MALRD1: variants seen among roughly 807,000 people sequenced by gnomAD.
MALRD1 encodes MAM and LDL-receptor class A domain-containing protein 1.
Under a neutral mutation model 242.1 loss-of-function variants are expected in MALRD1, and 247 were observed. The observed-to-expected ratio is 1.02, with a 90% CI of 0.92 to 1.13. The LOEUF (loss-of-function observed/expected upper bound fraction) is 1.13, where lower values mean the gene tolerates loss of function less well. Among genes scored for constraint, MALRD1 ranks in the 50% most tolerant of loss-of-function variants. The probability of loss-of-function intolerance (pLI) is 0.00; values close to 1 mark genes in which losing one functional copy is unlikely to be tolerated. For synonymous variants in MALRD1, 995 were observed against 866.6 expected (o/e 1.15, Z -2.60); for missense variants, 2,989 against 2,533.1 (o/e 1.18, Z -3.86).
chr10:19,385,298 G>A (rs1448892215), intron 26 of MALRD1, among the ~76,000 whole-genome samples: 1 of 151,922 alleles, frequency 6.6e-6, no homozygotes, highest in African/African-American at 2.4e-5. Flanking sequence ...TCAATTTTTT[G>A]GAAGAGTTTG....
At chr10:19,061,861 T>C (rs1182762527) in intron 1 of MALRD1, among the ~76,000 whole-genome samples, 1 of 152,136 alleles carries the variant, frequency 6.6e-6, no homozygotes, top group African/African-American at 2.4e-5. Flanking sequence ...CTTCATAATA[T>C]TAGATGTGGT....
At chr10:19,435,715 A>C (rs1834326296) in intron 28 of MALRD1, among the ~76,000 whole-genome samples, 1 of 152,112 alleles carries the variant, frequency 6.6e-6, no homozygotes, top group East Asian at 1.9e-4. Flanking sequence ...TAAAGTTGTC[A>C]AGTTCCTTCC....
At chr10:19,193,834 GA>G (rs56944309) in intron 14 of MALRD1, among the ~76,000 whole-genome samples, 37,302 of 134,822 alleles carry the variant, frequency 0.28, 4,885 homozygotes, top group Admixed American at 0.35. Flanking sequence ...TAGTCTGGGG[GA>G]AAAAAAATAT....
intron 26 of MALRD1, among the ~76,000 whole-genome samples, chr10:19,377,020 T>C (rs1254476990): frequency 6.6e-6 from 1 of 152,220 alleles, no homozygotes; most frequent in African/African-American, 2.4e-5. Flanking sequence ...AAATAAACAC[T>C]ATGTGGTACA....
chr10:19,353,516 TTGGTTACAAAGA>T (rs1844489520), intron 26 of MALRD1, among the ~76,000 whole-genome samples: 1 of 152,184 alleles, frequency 6.6e-6, no homozygotes, highest in East Asian at 1.9e-4. Context: ...GTATTTTCAT[TTGGTTACAAAGA>T]AGTTTCTAGA....
Position 19,601,361 on chromosome 10 carries a change from A to G in MALRD1, c.5944+5904A>G, listed in dbSNP as rs997737509. On this transcript the variant is annotated intron_variant, in intron 34 of 39. Coordinates refer to ENST00000454679, the MANE Select transcript of MALRD1 (RefSeq NM_001142308.3). ...TATATTAATAAAGAAGGAAAAATAT[A>G]AAGTAAATGGCTCAGATTATTTTCC... 2.6e-5 allele frequency among the ~76,000 whole-genome samples: 4 copies of G among 152,102 alleles called. 1 individual carries two copies. The highest frequency in any genetic ancestry group is 1.3e-4 in the Admixed American group (2 of 15,256).
chr10:19,435,593 A>G (rs1212016379), intron 28 of MALRD1, among the ~76,000 whole-genome samples: 1 of 152,080 alleles, frequency 6.6e-6, no homozygotes, highest in East Asian at 1.9e-4. Context: ...GATTGGGGTA[A>G]TATGTTGGAG....
At chr10:19,299,249 G>GCGCT (rs2131950214) in intron 21 of MALRD1, among the ~76,000 whole-genome samples, 1 of 151,930 alleles carries the variant, frequency 6.6e-6, no homozygotes, top group South Asian at 2.1e-4. Flanking sequence ...GTATAAGGGG[G>GCGCT]CGCTTCACAT....
intron 23 of MALRD1, among the ~76,000 whole-genome samples, chr10:19,329,388 G>A (rs1269202779): frequency 6.8e-6 from 1 of 147,756 alleles, no homozygotes; most frequent in Non-Finnish European, 1.5e-5. Flanking sequence ...GCATCACTGG[G>A]AAGCTTGTAT....
At chr10:19,601,262 T>A (rs1838328541) in intron 34 of MALRD1, among the ~76,000 whole-genome samples, 1 of 152,120 alleles carries the variant, frequency 6.6e-6, no homozygotes, top group African/African-American at 2.4e-5. Context: ...TGGAAACATT[T>A]TGAAACCTAA....
At chr10:19,488,786 C>T (rs769502249) in intron 29 of MALRD1, 2 of 294,574 alleles carry the variant, frequency 6.8e-6, no homozygotes, top group South Asian at 3.2e-5. Context: ...AATGATCAGC[C>T]TCGGTCCCCA....
rs60515694 is a variant in MALRD1 at position 19,171,457 on chromosome 10, T to TAC, written c.1831-3745_1831-3744dup. Among the ~76,000 whole-genome samples the TAC allele has an allele frequency of 6.3e-4, 47 of 74,548 alleles. 1 individual carries two copies. The highest frequency in any genetic ancestry group is 9.1e-4 in the Admixed American group (6 of 6,574). The allele number at this position is 74,548 out of a possible 152,430, so 48.9% of individuals were successfully genotyped here. A position where few individuals can be genotyped will look rare whatever the true frequency, so the allele number is the denominator to read the frequency against. ...ATATATATATATATATATATATATA[T>TAC]ACACACATGTATATACACACACACA... On this transcript the variant is annotated intron_variant, in intron 13 of 39. Transcript: ENST00000454679.
chr10:19,345,760 ATCT>A (rs1167794817), intron 24 of MALRD1, among the ~76,000 whole-genome samples: 3 of 98,326 alleles, frequency 3.1e-5, no homozygotes, highest in Non-Finnish European at 6.9e-5. Context: ...TCTTGAAGTA[ATCT>A]TTTTTTTTTT....
intron 29 of MALRD1, among the ~76,000 whole-genome samples, chr10:19,461,014 T>G (rs1564362339): frequency 1.3e-5 from 2 of 152,160 alleles, no homozygotes; most frequent in South Asian, 2.1e-4. Context: ...CTGGTTATAG[T>G]AACCTAATTC....
At chr10:19,624,427 A>C (rs1434099838) in intron 36 of MALRD1, among the ~76,000 whole-genome samples, 1 of 152,168 alleles carries the variant, frequency 6.6e-6, no homozygotes, top group Non-Finnish European at 1.5e-5. Context: ...ACTGTTCTGT[A>C]GCTTTCTTTC....
intron 32 of MALRD1, among the ~76,000 whole-genome samples, chr10:19,537,261 G>T (rs1187639772): frequency 2.0e-5 from 3 of 152,174 alleles, no homozygotes; most frequent in Admixed American, 6.5e-5. Context: ...TATGGAAAAG[G>T]GCTGGAATCT....
chr10:19,296,783 C>T (rs12246537), intron 21 of MALRD1, among the ~76,000 whole-genome samples: 20,954 of 151,830 alleles, frequency 0.14, 1,558 homozygotes, highest in East Asian at 0.19. Flanking sequence ...GTGATTGAAG[C>T]AATTGTTAAT....
intron 36 of MALRD1, among the ~76,000 whole-genome samples, chr10:19,648,558 T>G (rs926521964): frequency 3.3e-5 from 5 of 152,076 alleles, no homozygotes; most frequent in African/African-American, 4.8e-5. Flanking sequence ...GAGAAAAACA[T>G]CAACACTTTT....
chr10:19,162,281 C>T (rs1292867618), intron 12 of MALRD1, among the ~76,000 whole-genome samples: 3 of 146,522 alleles, frequency 2.0e-5, no homozygotes, highest in African/African-American at 7.3e-5. Context: ...TATCTTTCTT[C>T]CTCTCTTTCC....
Sources: gnomAD v4.1 joint callset for allele counts (sites outside exome capture counted in the v4.1 genomes callset) on GRCh38, gnomAD v4.1.1 for gene constraint, MANE v1.5 for transcripts, NCBI Gene and HGNC (gene_info 2026-07-23, HGNC 2026-07-21) for gene names.